Variants in RASA3 observed in about 807,000 individuals in gnomAD.
The protein encoded by RASA3 is ras GTPase-activating protein 3.
RASA3 carries 73 observed loss-of-function variants against 110.0 expected under a neutral mutation model. The ratio of observed to expected loss-of-function variants is 0.66; its 90% CI spans 0.55 to 0.81. The LOEUF (loss-of-function observed/expected upper bound fraction) is 0.81. RASA3 is among the 30% of genes least tolerant of loss of function. The pLI, the probability that RASA3 is intolerant of heterozygous loss-of-function variation, is 0.00. For missense variants in RASA3, 976 were observed against 1,113.2 expected (o/e 0.88, Z 1.75); for synonymous variants, 500 against 451.4 (o/e 1.11, Z -1.37).
chr13:113,989,012 T>A (rs1407564910), intron 22 of RASA3, among the ~76,000 whole-genome samples: 2 of 142,476 alleles, frequency 1.4e-5, no homozygotes, highest in Non-Finnish European at 3.0e-5. Flanking sequence ...CATCCACCCA[T>A]CACTCACCCA....
In RASA3 at chr13:114,065,327, G is replaced by A. The variant is rs923703523; in HGVS notation, c.173+8393C>T. Among the ~76,000 whole-genome samples the A allele has an allele frequency of 9.2e-5, 14 of 152,198 alleles. No homozygotes were observed. Among genetic ancestry groups the A allele is most frequent in the African/African-American group, 3.1e-4 (13 of 41,444 alleles). ...CAGCTCTGTGCTCTGCCGCAGGCTC[G>A]GGGCCCATTTCCCAAACGCTGGGGG... On this transcript the variant is annotated intron_variant, in intron 2 of 23. Coordinates refer to ENST00000334062, the MANE Select transcript of RASA3 (RefSeq NM_007368.4). This position sits in a 1 kb window ranked among gnomAD's most constrained non-coding sequence, Gnocchi z 4.1.
At chr13:113,979,586 C>T (rs1312733964) in intron 23 of RASA3, among the ~76,000 whole-genome samples, 164 bp from the exon 24 acceptor site, 5 of 152,236 alleles carry the variant, frequency 3.3e-5, no homozygotes, top group African/African-American at 4.8e-5. Flanking sequence ...GAAGCACCCA[C>T]GGTGACTCTG....
intron 21 of RASA3, among the ~76,000 whole-genome samples, chr13:113,995,317 C>T (rs897339264): frequency 1.4e-4 from 21 of 152,356 alleles, no homozygotes; most frequent in Middle Eastern, 3.4e-3. Context: ...GGTGGCCACG[C>T]ATGCCTGAGC....
rs1265731160 is a variant in RASA3 at position 114,011,920 on chromosome 13, CA to C, written c.1513-673del. Among the ~76,000 whole-genome samples, 3 of 150,128 alleles carry C rather than the reference CA, an allele frequency of 2.0e-5. No homozygotes were observed. The highest frequency in any genetic ancestry group is 2.1e-4 in the South Asian group (1 of 4,736). On this transcript the variant is annotated intron_variant, in intron 15 of 23. Transcript: ENST00000334062. This position sits in a 1 kb window ranked among gnomAD's most constrained non-coding sequence, Gnocchi z 4.8. Reference sequence around the variant, plus strand: ...CTGGTGACAGAGCAAGACTCTGTCTCAAAAAAAAAGAAGTGCTGGGGAATGG... The same window carrying C: ...CTGGTGACAGAGCAAGACTCTGTCTCAAAAAAAAGAAGTGCTGGGGAATGG...
chr13:114,083,340 C>A (rs1369051279), intron 1 of RASA3, among the ~76,000 whole-genome samples: 1 of 152,248 alleles, frequency 6.6e-6, no homozygotes, highest in African/African-American at 2.4e-5. Flanking sequence ...TGTGGCCCAT[C>A]CTGATTTCTG....
In RASA3 at chr13:114,061,324, C is replaced by T. The variant is rs192524419; in HGVS notation, c.174-9169G>A. On this transcript the variant is annotated intron_variant, in intron 2 of 23. Coordinates refer to ENST00000334062, the MANE Select transcript of RASA3 (RefSeq NM_007368.4). ...CTCTTGATGTTTTTCCTCTTAGAAC[C>T]GCAAACTACGGTTGCCTGAAAAGGT... 5.5e-3 allele frequency among the ~76,000 whole-genome samples: 831 copies of T among 152,138 alleles called. 5 individuals are homozygous for T. Among genetic ancestry groups the T allele is most frequent in the Non-Finnish European group, 7.4e-3 (505 of 67,992 alleles).
rs1189897098 is a variant in RASA3 at position 114,012,406 on chromosome 13, CCACA to C, written c.1512+732_1512+735del. On this transcript the variant is annotated intron_variant, in intron 15 of 23. Transcript: ENST00000334062. ...ACTCCCCGTGCACCGTCCACACACT[CCACA>C]CACACTCCCCATTCCACACGTCTTC... Among the ~76,000 whole-genome samples, 10 of 150,136 alleles carry C rather than the reference CCACA, an allele frequency of 6.7e-5. 1 individual carries two copies. In the South Asian group the frequency reaches 1.5e-3, roughly 22 times the overall value.
chr13:114,110,393 C>T (rs1301786530), intron 1 of RASA3, among the ~76,000 whole-genome samples: 1 of 152,210 alleles, frequency 6.6e-6, no homozygotes, highest in Non-Finnish European at 1.5e-5. Context: ...GTGAACATTA[C>T]GTGCAACTCA....
intron 4 of RASA3, chr13:114,036,037 C>T (rs2054272422): frequency 6.6e-6 from 1 of 152,268 alleles, no homozygotes; most frequent in African/African-American, 2.4e-5. Flanking sequence ...CCCTGCAGGG[C>T]TGTGCTATTT....
chr13:114,117,527 G>A (rs1360756669), intron 1 of RASA3, among the ~76,000 whole-genome samples: 2 of 148,264 alleles, frequency 1.3e-5, no homozygotes, highest in Admixed American at 6.7e-5. Flanking sequence ...GCATGTGCGT[G>A]AGGGGTGCAC....
Position 114,069,234 on chromosome 13 carries a change from T to C in RASA3, c.173+4486A>G, listed in dbSNP as rs995489562. Among the ~76,000 whole-genome samples, 7 of 152,048 alleles carry C rather than the reference T, an allele frequency of 4.6e-5. No individual in the cohort carries two copies. The South Asian group carries it at 1.0e-3, about 23-fold the overall frequency. The stretch of plus-strand genomic sequence containing the variant: ...GATATTGGGCAACAGCAAATCAAAC[T>C]TGACCCAAGTGCTTCTCCCCAGGGA... On this transcript the variant is annotated intron_variant, in intron 2 of 23. Transcript: ENST00000334062.
At chr13:114,020,972 CCCCG>C (rs2053915278) in intron 9 of RASA3, among the ~76,000 whole-genome samples, 1 of 140,650 alleles carries the variant, frequency 7.1e-6, no homozygotes, top group African/African-American at 2.5e-5. Flanking sequence ...CGGCTCAGGG[CCCCG>C]CTTTCACCCA....
intron 1 of RASA3, among the ~76,000 whole-genome samples, chr13:114,106,319 G>A (rs1002717409): frequency 6.6e-6 from 1 of 152,076 alleles, no homozygotes; most frequent in Non-Finnish European, 1.5e-5. Flanking sequence ...CTTTCAGTGG[G>A]GACAACTTCT....
chr13:114,046,642 C>T (rs1028951358), intron 3 of RASA3, among the ~76,000 whole-genome samples: 1 of 152,208 alleles, frequency 6.6e-6, no homozygotes, highest in Non-Finnish European at 1.5e-5. Context: ...CACTGGCAGG[C>T]GTGTCCGATG....
intron 1 of RASA3, among the ~76,000 whole-genome samples, chr13:114,108,216 T>C (rs1594464422): frequency 7.7e-6 from 1 of 129,660 alleles, no homozygotes; most frequent in Non-Finnish European, 1.6e-5. Context: ...CATCACCCCG[T>C]GTCTGTCACC....
At chr13:114,101,604 G>A (rs998035566) in intron 1 of RASA3, among the ~76,000 whole-genome samples, 7 of 152,246 alleles carry the variant, frequency 4.6e-5, no homozygotes, top group African/African-American at 1.7e-4. Context: ...AACACGCTTG[G>A]CTGTCCTCGT....
At chr13:113,981,618 T>C (rs1393395703) in intron 23 of RASA3, 57 bp downstream of exon 23, 4 of 1,373,488 alleles carry the variant, frequency 2.9e-6, no homozygotes, top group Non-Finnish European at 4.0e-6. Flanking sequence ...CCACCCCCAC[T>C]GCAATCTCCC....
rs1052392801 is a variant in RASA3 at position 114,057,541 on chromosome 13, G to A, written c.174-5386C>T. On this transcript the variant is annotated intron_variant, in intron 2 of 23. Transcript: ENST00000334062. This position sits in a 1 kb window ranked among gnomAD's most constrained non-coding sequence, Gnocchi z 5.0. ...GATTTATTTAGGGAATAAGAAGGGC[G>A]ATTCCAGGGACAGTGGAGGCCCCCA... 65 of 981,358 alleles carry A rather than the reference G, an allele frequency of 6.6e-5. No homozygotes were observed. In the African/African-American group the frequency reaches 7.9e-4, roughly 12 times the overall value. 60.8% of individuals were successfully genotyped at this position (981,358 alleles called of 1,614,324 possible). A position where few individuals can be genotyped will look rare whatever the true frequency, so the allele number is the denominator to read the frequency against.
In RASA3 at chr13:114,031,523, G is replaced by A. The variant is rs143930542; in HGVS notation, c.373-1636C>T. Among the ~76,000 whole-genome samples the A allele has an allele frequency of 3.9e-3, 466 of 119,038 alleles. 2 individuals carry two copies. Among genetic ancestry groups the A allele is most frequent in the Middle Eastern group, 4.3e-3 (1 of 230 alleles). The allele number at this position is 119,038 out of a possible 152,430, so 78.1% of individuals were successfully genotyped here. A position where few individuals can be genotyped will look rare whatever the true frequency, so the allele number is the denominator to read the frequency against. On this transcript the variant is annotated intron_variant, in intron 4 of 23. Coordinates refer to ENST00000334062, the MANE Select transcript of RASA3 (RefSeq NM_007368.4). Reference sequence around the variant, plus strand: ...CTGTGTCTGCCTGTCTGTGCGCGTGGCTGTGTGTCCACCTGTGTATGTGTG... The same window carrying A: ...CTGTGTCTGCCTGTCTGTGCGCGTGACTGTGTGTCCACCTGTGTATGTGTG...
Sources: gnomAD v4.1 joint callset for allele counts (sites outside exome capture counted in the v4.1 genomes callset) on GRCh38, gnomAD v4.1.1 for gene constraint, Gnocchi (gnomAD v3.1) non-coding constraint, MANE v1.5 for transcripts, NCBI Gene and HGNC (gene_info 2026-07-23, HGNC 2026-07-21) for gene names.